The following ZDHHC14 variants were observed in gnomAD, a reference collection of about 807,000 sequenced individuals.
The protein encoded by ZDHHC14 is zDHHC palmitoyltransferase 14.
ZDHHC14 carries 16 observed loss-of-function variants against 47.7 expected under a neutral mutation model. The observed-to-expected ratio is 0.34, with a 90% CI of 0.23 to 0.51. The LOEUF is 0.51. ZDHHC14 is among the 20% of genes least tolerant of loss of function. The pLI, the probability that ZDHHC14 is intolerant of heterozygous loss-of-function variation, is 0.97. For synonymous variants in ZDHHC14, 293 were observed against 278.9 expected (o/e 1.05, Z -0.50); for missense variants, 515 against 662.5 (o/e 0.78, Z 2.44).
At chr6:157,530,027 A>G (rs1781307370) in intron 1 of ZDHHC14, among the ~76,000 whole-genome samples, 1 of 152,244 alleles carries the variant, frequency 6.6e-6, no homozygotes, top group African/African-American at 2.4e-5. Context: ...TAGACATTAT[A>G]TGAAATGTTA....
Position 157,592,997 on chromosome 6 carries a change from A to T in ZDHHC14, c.416A>T (p.Asn139Ile). 6.2e-7 allele frequency: 1 copy of T among 1,611,298 alleles called. No individual in the cohort carries two copies. Among genetic ancestry groups the T allele is most frequent in the South Asian group, 1.1e-5 (1 of 90,716 alleles). ...CTTCTTTTCTCCACAGATATCGCAA[A>T]CGGCACCAGTTCAGGGGGGTACCGC... Reference protein sequence around the residue: ...ADLERQIDIANGTSSGGYRPP... With the variant: ...ADLERQIDIAIGTSSGGYRPP... Residue 139 changes from asparagine to isoleucine, a missense_variant, in exon 3 of 9, where the codon AAC becomes ATC. Asn to Ile is a moderately radical substitution (Grantham distance 149). Transcript: ENST00000359775.
intron 2 of ZDHHC14, among the ~76,000 whole-genome samples, chr6:157,574,883 T>C (rs1252064835): frequency 3.3e-5 from 5 of 152,234 alleles, no homozygotes; most frequent in Non-Finnish European, 7.3e-5. Flanking sequence ...CTGATCACTT[T>C]ACCACACAAT....
intron 1 of ZDHHC14, among the ~76,000 whole-genome samples, chr6:157,496,418 AT>A (rs2114733435): frequency 6.6e-6 from 1 of 152,266 alleles, no homozygotes; most frequent in African/African-American, 2.4e-5. Flanking sequence ...CCAAAAAGAT[AT>A]GTTGGAGTCC....
chr6:157,659,718 C>T (rs915175360), intron 8 of ZDHHC14, among the ~76,000 whole-genome samples: 48 of 152,204 alleles, frequency 3.2e-4, no homozygotes, highest in African/African-American at 9.7e-4. Context: ...CCTGCAGCAC[C>T]GTCGCTAAGA....
chr6:157,392,267 A>T (rs1165039438), intron 1 of ZDHHC14, among the ~76,000 whole-genome samples: 3 of 152,226 alleles, frequency 2.0e-5, no homozygotes, highest in African/African-American at 7.2e-5. Flanking sequence ...TTATAGAAAC[A>T]TATATCCTTA....
intron 1 of ZDHHC14, among the ~76,000 whole-genome samples, chr6:157,430,306 C>G (rs1778312153): frequency 9.9e-6 from 1 of 101,334 alleles, no homozygotes; most frequent in South Asian, 3.0e-4. Flanking sequence ...CAAAGCAAGA[C>G]TGTGTAAAAA....
intron 1 of ZDHHC14, among the ~76,000 whole-genome samples, chr6:157,391,876 T>C (rs766638577): frequency 8.5e-5 from 13 of 152,242 alleles, no homozygotes; most frequent in Non-Finnish European, 1.6e-4. Flanking sequence ...AACTTAATAC[T>C]GTATTTCTCG....
At chr6:157,433,424 T>G (rs1778379015) in intron 1 of ZDHHC14, among the ~76,000 whole-genome samples, 1 of 152,088 alleles carries the variant, frequency 6.6e-6, no homozygotes, top group Admixed American at 6.5e-5. Flanking sequence ...ATTCACTAAA[T>G]AAAGAAAGAA....
At chr6:157,500,370 T>C (rs1057260499) in intron 1 of ZDHHC14, among the ~76,000 whole-genome samples, 2 of 152,130 alleles carry the variant, frequency 1.3e-5, no homozygotes, top group East Asian at 3.8e-4. Flanking sequence ...TTAAAGACCA[T>C]GGTGGGGACA....
intron 2 of ZDHHC14, among the ~76,000 whole-genome samples, chr6:157,568,425 C>T (rs2114852780): frequency 6.6e-6 from 1 of 151,266 alleles, no homozygotes; most frequent in South Asian, 2.1e-4. Flanking sequence ...TTGTACATTA[C>T]TATTTTGAAG....
chr6:157,506,813 A>T (rs1780336943), intron 1 of ZDHHC14, among the ~76,000 whole-genome samples: 1 of 152,230 alleles, frequency 6.6e-6, no homozygotes. Flanking sequence ...TAGTGGATAC[A>T]ACTGTGCTTG....
chr6:157,439,841 A>G (rs1778527478), intron 1 of ZDHHC14, among the ~76,000 whole-genome samples: 1 of 152,224 alleles, frequency 6.6e-6, no homozygotes, highest in Non-Finnish European at 1.5e-5. Context: ...AAAAGCAGAC[A>G]AGATCATGTC....
chr6:157,503,009 C>T (rs1245265055), intron 1 of ZDHHC14, among the ~76,000 whole-genome samples: 1 of 152,202 alleles, frequency 6.6e-6, no homozygotes, highest in Non-Finnish European at 1.5e-5. Context: ...TTTTAAACTA[C>T]ACAACTTGTA....
chr6:157,444,343 G>C (rs1778617959), intron 1 of ZDHHC14, among the ~76,000 whole-genome samples: 1 of 152,190 alleles, frequency 6.6e-6, no homozygotes, highest in Non-Finnish European at 1.5e-5. Context: ...GAGGCAGGGA[G>C]CTCTGAGACT....
At chr6:157,483,256 A>G (rs1209064289) in intron 1 of ZDHHC14, among the ~76,000 whole-genome samples, 1 of 151,968 alleles carries the variant, frequency 6.6e-6, no homozygotes, top group Non-Finnish European at 1.5e-5. Context: ...TCTTTAATCA[A>G]CTCATTCTTT....
intron 3 of ZDHHC14, among the ~76,000 whole-genome samples, chr6:157,621,102 T>C (rs1185405909): frequency 9.9e-5 from 15 of 152,194 alleles, no homozygotes; most frequent in Admixed American, 9.8e-4. Flanking sequence ...GCAAAGCTTT[T>C]ATAACTTAGA....
intron 1 of ZDHHC14, among the ~76,000 whole-genome samples, chr6:157,424,964 G>A (rs1033220460): frequency 6.6e-6 from 1 of 152,106 alleles, no homozygotes; most frequent in African/African-American, 2.4e-5. Context: ...CAGCCACACT[G>A]CAGCCAGAGG....
intron 7 of ZDHHC14, among the ~76,000 whole-genome samples, chr6:157,651,958 T>G (rs537094005): frequency 1.3e-5 from 2 of 152,320 alleles, no homozygotes; most frequent in South Asian, 4.1e-4. Context: ...CATCCCTGGC[T>G]GTCACCCGCG....
intron 1 of ZDHHC14, among the ~76,000 whole-genome samples, chr6:157,456,350 C>T (rs1195728835): frequency 2.0e-5 from 3 of 152,184 alleles, no homozygotes; most frequent in African/African-American, 4.8e-5. Context: ...GCCCTCTCCT[C>T]GTTCATCCTG....
Sources: gnomAD v4.1 joint callset for allele counts (sites outside exome capture counted in the v4.1 genomes callset) on GRCh38, gnomAD v4.1.1 for gene constraint, MANE v1.5 for transcripts, NCBI Gene and HGNC (gene_info 2026-07-23, HGNC 2026-07-21) for gene names.